GRAMD1B: variants seen among roughly 807,000 people sequenced by gnomAD.
The protein encoded by GRAMD1B is GRAM domain containing 1B.
A neutral mutation model predicts 99.7 loss-of-function variants in GRAMD1B; 37 were observed. The ratio of observed to expected loss-of-function variants is 0.37; its 90% CI spans 0.29 to 0.49. The LOEUF (loss-of-function observed/expected upper bound fraction) is 0.49, where lower values mean the gene tolerates loss of function less well. GRAMD1B is among the 20% of genes least tolerant of loss of function. The pLI is 0.98. For synonymous variants in GRAMD1B, 427 were observed against 387.6 expected (o/e 1.10, Z -1.19); for missense variants, 888 against 1,009.2 (o/e 0.88, Z 1.63).
chr11:123,478,676 T>C (rs1282708850), intron 1 of GRAMD1B, among the ~76,000 whole-genome samples: 4 of 152,106 alleles, frequency 2.6e-5, no homozygotes, highest in African/African-American at 9.7e-5. Context: ...CCCCCTTTAT[T>C]AGTTTAAAAT....
chr11:123,484,450 G>A (rs1794466131), intron 2 of GRAMD1B, among the ~76,000 whole-genome samples: 1 of 152,052 alleles, frequency 6.6e-6, no homozygotes, highest in African/African-American at 2.4e-5. Flanking sequence ...CCAACCACAG[G>A]AAATGTTACA....
rs1249545048 is a variant in GRAMD1B, at chr11:123,492,940, G to A, written c.452+12047G>A. Among the ~76,000 whole-genome samples, 1 of 151,772 alleles carries A rather than the reference G, an allele frequency of 6.6e-6. No individual in the cohort carries two copies. Among genetic ancestry groups the A allele is most frequent in the East Asian group, 1.9e-4 (1 of 5,154 alleles). ...TGATTGTTTAGCTGTCTATTGACAA[G>A]GGTTTCTCATGGCTAAAGTTTTGGG... is the stretch of plus-strand genomic sequence containing the variant. On this transcript the variant is annotated intron_variant, in intron 2 of 19. Transcript: ENST00000635736. This position sits in a 1 kb window ranked among gnomAD's most constrained non-coding sequence, Gnocchi z 4.2.
rs1174317255 is a variant in GRAMD1B, at chr11:123,510,602, G to C, written c.452+29709G>C. Among the ~76,000 whole-genome samples, 1 of 152,188 alleles carries C rather than the reference G, an allele frequency of 6.6e-6. No individual in the cohort carries two copies. Among genetic ancestry groups the C allele is most frequent in the Non-Finnish European group, 1.5e-5 (1 of 68,032 alleles). On this transcript the variant is annotated intron_variant, in intron 2 of 19. Transcript: ENST00000635736. The surrounding 1 kb of genome is among the most constrained non-coding windows in gnomAD (Gnocchi z 4.3). ...GAGGGGTGGTTTGTTCTCCGTGGGT[G>C]GACGTTTGTGACTCTGCCTTTTCTC... is the stretch of plus-strand genomic sequence containing the variant.
In GRAMD1B at chr11:123,513,719, C is replaced by T. The variant is rs139663714; in HGVS notation, c.452+32826C>T. Among the ~76,000 whole-genome samples, 828 of 150,980 alleles carry T rather than the reference C, an allele frequency of 5.5e-3. 3 individuals are homozygous for T. The highest frequency in any genetic ancestry group is 0.014 in the Middle Eastern group (4 of 294). ...TTGCCTAGACTGGAGTGCAGTGGTG[C>T]GATCATGGCTCACTGCAACCTCAAC... On this transcript the variant is annotated intron_variant, in intron 2 of 19. Coordinates refer to ENST00000635736, the MANE Select transcript of GRAMD1B (RefSeq NM_001387025.1).
chr11:123,470,309 C>G (rs1950947901), intron 1 of GRAMD1B, among the ~76,000 whole-genome samples: 2 of 152,314 alleles, frequency 1.3e-5, no homozygotes, highest in East Asian at 1.9e-4. Flanking sequence ...ATTTAGAAGA[C>G]AGTTACTACT....
chr11:123,621,365 G>C (rs1955094344), intron 19 of GRAMD1B, among the ~76,000 whole-genome samples: 1 of 152,130 alleles, frequency 6.6e-6, no homozygotes, highest in African/African-American at 2.4e-5. Flanking sequence ...CTCCCATTTA[G>C]ACTGCAGTCT....
In GRAMD1B at chr11:123,492,690, T is replaced by A. The variant is rs914641912; in HGVS notation, c.452+11797T>A. On this transcript the variant is annotated intron_variant, in intron 2 of 19. Coordinates refer to ENST00000635736, the MANE Select transcript of GRAMD1B (RefSeq NM_001387025.1). This position sits in a 1 kb window ranked among gnomAD's most constrained non-coding sequence, Gnocchi z 4.2. ...GCAGGTTTGTGTGTTTTTGCTTTTG[T>A]TTTGGCGTAAAGAGAAACATCACTG... Among the ~76,000 whole-genome samples, 9 of 152,076 alleles carry A rather than the reference T, an allele frequency of 5.9e-5. No homozygotes were observed. The highest frequency in any genetic ancestry group is 1.0e-4 in the Non-Finnish European group (7 of 68,020).
chr11:123,539,320 G>T (rs1034934036), intron 2 of GRAMD1B, among the ~76,000 whole-genome samples: 1 of 152,068 alleles, frequency 6.6e-6, no homozygotes, highest in African/African-American at 2.4e-5. Context: ...CCTGAATTTG[G>T]GTTAAATGTG....
intron 2 of GRAMD1B, among the ~76,000 whole-genome samples, chr11:123,498,932 A>G (rs1939582385): frequency 6.6e-6 from 1 of 152,190 alleles, no homozygotes; most frequent in African/African-American, 2.4e-5. Context: ...GCTGATAAAG[A>G]AAATGTAAAT....
chr11:123,385,860 A>C (rs57816398), intron 1 of GRAMD1B, among the ~76,000 whole-genome samples: 6,237 of 151,998 alleles, frequency 0.041, 377 homozygotes, highest in African/African-American at 0.13. Context: ...TGCCACTGTG[A>C]GTCTGTGTGT....
At chr11:123,522,256 CTT>C (rs1429461167) in intron 2 of GRAMD1B, among the ~76,000 whole-genome samples, 1 of 152,178 alleles carries the variant, frequency 6.6e-6, no homozygotes, top group East Asian at 1.9e-4. Flanking sequence ...TGGTCTCAGT[CTT>C]TACCTCAGAA....
intron 1 of GRAMD1B, among the ~76,000 whole-genome samples, chr11:123,400,677 G>A (rs772631742): frequency 1.3e-5 from 2 of 151,916 alleles, no homozygotes; most frequent in Non-Finnish European, 2.9e-5. Flanking sequence ...ATTCATGAGG[G>A]CTCCACCCTC....
intron 3 of GRAMD1B, chr11:123,578,473 G>A (rs1421270810): frequency 7.0e-7 from 1 of 1,419,400 alleles, no homozygotes; most frequent in Middle Eastern, 1.7e-4. Context: ...CCCCTCTAGT[G>A]TCGATCTGTC....
Position 123,361,215 on chromosome 11 carries a change from C to T in GRAMD1B, c.-176+2416C>T, listed in dbSNP as rs904175868. Among the ~76,000 whole-genome samples the T allele has an allele frequency of 2.0e-5, 3 of 152,208 alleles. No individual in the cohort carries two copies. In the East Asian group the frequency reaches 5.8e-4, roughly 29 times the overall value. ...GTCATTTGATGTCCTTGCAGATTAG[C>T]TCACTGGTGGGCCCTCTCAATACAC... On this transcript the variant is annotated intron_variant, in intron 1 of 20. Transcript: ENST00000638157.
intron 19 of GRAMD1B, 60 bp from the exon 20 acceptor site, chr11:123,622,446 G>C: frequency 3.0e-6 from 3 of 1,015,922 alleles, no homozygotes; most frequent in South Asian, 2.7e-5. Flanking sequence ...AGGGCTGCTC[G>C]GTGGAGAATC....
chr11:123,494,782 A>G (rs987959690), intron 2 of GRAMD1B, among the ~76,000 whole-genome samples: 1 of 152,074 alleles, frequency 6.6e-6, no homozygotes, highest in Non-Finnish European at 1.5e-5. Flanking sequence ...GAGAAATTCC[A>G]TCCTCCTACC....
intron 2 of GRAMD1B, among the ~76,000 whole-genome samples, chr11:123,544,548 G>A (rs1944876026): frequency 6.6e-6 from 1 of 152,136 alleles, no homozygotes; most frequent in Admixed American, 6.5e-5. Context: ...TCCTCCTGTA[G>A]GTGGCTTTCC....
intron 3 of GRAMD1B, among the ~76,000 whole-genome samples, chr11:123,581,662 A>C (rs141526925): frequency 2.0e-3 from 304 of 152,322 alleles, no homozygotes; most frequent in African/African-American, 6.8e-3. Context: ...GCAGAGCCTC[A>C]GCACAGTCCT....
chr11:123,534,053 C>T (rs1376313598), intron 2 of GRAMD1B, among the ~76,000 whole-genome samples: 1 of 152,232 alleles, frequency 6.6e-6, no homozygotes, highest in African/African-American at 2.4e-5. Context: ...TGCTTAGGGG[C>T]ACCAACGCCC....
Sources: allele counts gnomAD v4.1 joint callset (sites outside exome capture counted in the v4.1 genomes callset), GRCh38; gene constraint gnomAD v4.1.1; non-coding constraint Gnocchi (gnomAD v3.1); transcripts MANE v1.5; gene names NCBI Gene and HGNC (gene_info 2026-07-23, HGNC 2026-07-21).